The following KCNQ5 variants were observed in gnomAD, a reference collection of about 807,000 sequenced individuals.
KCNQ5 encodes potassium voltage-gated channel subfamily KQT member 5.
In KCNQ5, 30 loss-of-function variants were observed where a neutral mutation model predicts 98.2. The ratio of observed to expected loss-of-function variants is 0.31; its 90% CI spans 0.23 to 0.41. The LOEUF is 0.41. KCNQ5 is among the 10% of genes least tolerant of loss of function. The pLI is 1.00. For synonymous variants in KCNQ5, 458 were observed against 449.4 expected (o/e 1.02, Z -0.24); for missense variants, 835 against 1,182.5 (o/e 0.71, Z 4.31).
intron 10 of KCNQ5, among the ~76,000 whole-genome samples, chr6:73,148,757 A>G (rs146912294): frequency 3.5e-4 from 54 of 152,322 alleles, no homozygotes; most frequent in Non-Finnish European, 2.9e-5. Context: ...AAAAAGGCAT[A>G]GAACTTAAGT....
At chr6:72,975,291 G>A (rs1768110037) in intron 1 of KCNQ5, among the ~76,000 whole-genome samples, 1 of 151,492 alleles carries the variant, frequency 6.6e-6, no homozygotes, top group Admixed American at 6.6e-5. Flanking sequence ...CATAGCAGCA[G>A]CAAGAAAAAA....
chr6:72,981,259 T>C (rs569474576), intron 1 of KCNQ5, among the ~76,000 whole-genome samples: 1 of 152,362 alleles, frequency 6.6e-6, no homozygotes, highest in South Asian at 2.1e-4. Flanking sequence ...GTACCGCTGG[T>C]AGAATTCAGC....
chr6:72,833,614 CATTA>C (rs1445812416), intron 1 of KCNQ5, among the ~76,000 whole-genome samples: 1 of 152,082 alleles, frequency 6.6e-6, no homozygotes, highest in Non-Finnish European at 1.5e-5. Context: ...AGAGTTTTAA[CATTA>C]ATTAACTTTA....
At chr6:73,025,609 G>A (rs528629141) in intron 2 of KCNQ5, among the ~76,000 whole-genome samples, 1 of 109,326 alleles carries the variant, frequency 9.1e-6, no homozygotes, top group African/African-American at 3.4e-5. Context: ...GGCGACAAGA[G>A]CAAAACTCCA....
chr6:72,896,694 A>C (rs979368926), intron 1 of KCNQ5, among the ~76,000 whole-genome samples: 4 of 152,178 alleles, frequency 2.6e-5, no homozygotes, highest in African/African-American at 9.7e-5. Context: ...ATGATAAATT[A>C]TGGTCAACAG....
intron 1 of KCNQ5, among the ~76,000 whole-genome samples, chr6:72,988,551 G>C (rs1432306978): frequency 1.3e-5 from 2 of 151,920 alleles, no homozygotes; most frequent in Middle Eastern, 3.2e-3. Context: ...TACCTACTGG[G>C]TACTGTGATG....
chr6:73,031,928 G>C (rs1313144336), intron 2 of KCNQ5, among the ~76,000 whole-genome samples: 1 of 152,110 alleles, frequency 6.6e-6, no homozygotes, highest in Non-Finnish European at 1.5e-5. Context: ...GCAGCTATAA[G>C]AACAGAGACA....
intron 1 of KCNQ5, among the ~76,000 whole-genome samples, chr6:72,764,258 C>A (rs556924028): frequency 6.6e-6 from 1 of 151,854 alleles, no homozygotes; most frequent in South Asian, 2.1e-4. Context: ...AAATAAAAAC[C>A]AACCAACCAA....
chr6:72,670,578 A>G (rs1254066075), intron 1 of KCNQ5, among the ~76,000 whole-genome samples: 2 of 152,242 alleles, frequency 1.3e-5, no homozygotes, highest in Non-Finnish European at 2.9e-5. Flanking sequence ...GTGGTATTAA[A>G]CAACAGAATA....
intron 1 of KCNQ5, among the ~76,000 whole-genome samples, chr6:72,846,438 T>C (rs921674349): frequency 1.3e-4 from 20 of 151,876 alleles, no homozygotes; most frequent in African/African-American, 4.8e-4. Flanking sequence ...AATCCCAACA[T>C]TGAGGTGGGA....
At chr6:72,702,676 C>G (rs1405236347) in intron 1 of KCNQ5, among the ~76,000 whole-genome samples, 1 of 152,150 alleles carries the variant, frequency 6.6e-6, no homozygotes, top group Admixed American at 6.5e-5. Context: ...CCCATTCACA[C>G]AGAATATTCA....
intron 1 of KCNQ5, among the ~76,000 whole-genome samples, chr6:72,775,441 A>G (rs1267666398): frequency 6.6e-6 from 1 of 152,212 alleles, no homozygotes; most frequent in African/African-American, 2.4e-5. Flanking sequence ...TAAATTAATC[A>G]GTGAAGGAGA....
intron 2 of KCNQ5, among the ~76,000 whole-genome samples, chr6:73,012,884 A>T (rs988432341): frequency 3.8e-4 from 58 of 152,122 alleles, no homozygotes; most frequent in African/African-American, 1.1e-3. Context: ...GTGGTTAATG[A>T]TATAGCCTAC....
intron 1 of KCNQ5, among the ~76,000 whole-genome samples, chr6:72,827,340 C>A (rs912584540): frequency 4.6e-5 from 7 of 152,090 alleles, no homozygotes; most frequent in South Asian, 4.1e-4. Flanking sequence ...ATGTTCCCAA[C>A]AAGAGGTATA....
chr6:72,695,495 C>G (rs1768440460), intron 1 of KCNQ5, among the ~76,000 whole-genome samples: 1 of 152,098 alleles, frequency 6.6e-6, no homozygotes, highest in East Asian at 1.9e-4. Flanking sequence ...GAAACCCCAC[C>G]TCTCCATCCC....
intron 9 of KCNQ5, among the ~76,000 whole-genome samples, chr6:73,126,442 A>G (rs576019368): frequency 2.0e-5 from 3 of 152,382 alleles, no homozygotes; most frequent in South Asian, 2.1e-4. Flanking sequence ...AGACAAAATT[A>G]AAGTGTCACT....
chr6:72,903,441 T>C (rs1490305381), intron 1 of KCNQ5, among the ~76,000 whole-genome samples: 3 of 152,224 alleles, frequency 2.0e-5, no homozygotes, highest in African/African-American at 7.2e-5. Flanking sequence ...TTTGTGCTCT[T>C]ACCATCTTTT....
intron 2 of KCNQ5, among the ~76,000 whole-genome samples, chr6:73,007,940 A>T (rs1269766195): frequency 2.0e-5 from 3 of 152,208 alleles, no homozygotes; most frequent in Non-Finnish European, 2.9e-5. Flanking sequence ...ATAAAGATGT[A>T]ATTATGTGAC....
chr6:73,052,028 A>G (rs1159486609), intron 3 of KCNQ5, among the ~76,000 whole-genome samples: 1 of 152,224 alleles, frequency 6.6e-6, no homozygotes, highest in Admixed American at 6.5e-5. Context: ...CGAAATGGCC[A>G]CTTTAAGAAA....
Sources: allele counts gnomAD v4.1 joint callset (sites outside exome capture counted in the v4.1 genomes callset), GRCh38; gene constraint gnomAD v4.1.1; transcripts MANE v1.5; gene names NCBI Gene and HGNC (gene_info 2026-07-23, HGNC 2026-07-21).